The following KCNAB1 variants were observed in gnomAD, a reference collection of about 807,000 sequenced individuals.
KCNAB1 encodes the protein potassium voltage-gated channel subfamily A regulatory beta subunit 1.
A neutral mutation model predicts 64.6 loss-of-function variants in KCNAB1; 35 were observed. The ratio of observed to expected loss-of-function variants is 0.54; its 90% CI spans 0.41 to 0.72. The LOEUF (loss-of-function observed/expected upper bound fraction) is 0.72, where lower values mean the gene tolerates loss of function less well. Among genes scored for constraint, KCNAB1 ranks in the 30% least tolerant of loss-of-function variants. The pLI is 0.00. For missense variants in KCNAB1, 401 were observed against 512.9 expected (o/e 0.78, Z 2.11); for synonymous variants, 177 against 183.8 (o/e 0.96, Z 0.30).
chr3:156,443,933 T>A (rs1717210906), intron 2 of KCNAB1, among the ~76,000 whole-genome samples: 1 of 152,236 alleles, frequency 6.6e-6, no homozygotes, highest in African/African-American at 2.4e-5. Context: ...ATCCCACCCC[T>A]CAGCCCCCTT....
At position 156,157,515 on chromosome 3, in the gene KCNAB1, G is replaced by C. The variant is rs77336414; in HGVS notation, c.275+36629G>C. Among the ~76,000 whole-genome samples, 476 of 152,242 alleles carry C rather than the reference G, an allele frequency of 3.1e-3. 6 individuals are homozygous for C. In the East Asian group the frequency reaches 0.043, roughly 14 times the overall value. On this transcript the variant is annotated intron_variant, in intron 1 of 13. Transcript: ENST00000490337. ...AAAGACATTGTGCTCTTATTCTATG[G>C]TATATTTTATATTATAGTGCTCCCT...
At chr3:156,188,432 A>G (rs555401898) in intron 1 of KCNAB1, among the ~76,000 whole-genome samples, 3 of 152,186 alleles carry the variant, frequency 2.0e-5, no homozygotes, top group Non-Finnish European at 4.4e-5. Flanking sequence ...AAAAAAAGCC[A>G]TGGTAAATAT....
chr3:156,203,300 C>T (rs1388929892), intron 1 of KCNAB1, among the ~76,000 whole-genome samples: 1 of 152,184 alleles, frequency 6.6e-6, no homozygotes, highest in Non-Finnish European at 1.5e-5. Context: ...TAAAAGTTTG[C>T]TGATCTCTGA....
intron 6 of KCNAB1, among the ~76,000 whole-genome samples, chr3:156,465,296 AT>A (rs1177361109): frequency 2.0e-5 from 3 of 152,182 alleles, no homozygotes; most frequent in African/African-American, 7.2e-5. Flanking sequence ...TCACAAACCT[AT>A]GTCAAGCCTT....
intron 1 of KCNAB1, among the ~76,000 whole-genome samples, chr3:156,229,520 A>G (rs1011416574): frequency 6.6e-6 from 1 of 152,230 alleles, no homozygotes; most frequent in African/African-American, 2.4e-5. Context: ...TAAAAGATGG[A>G]ACACAATTAT....
intron 8 of KCNAB1, among the ~76,000 whole-genome samples, chr3:156,510,019 A>T (rs929622688): frequency 1.3e-5 from 2 of 152,244 alleles, no homozygotes; most frequent in African/African-American, 4.8e-5. Flanking sequence ...ATTCATGGCA[A>T]CATGAATCTC....
At chr3:156,496,820 C>T (rs1396403674) in intron 8 of KCNAB1, among the ~76,000 whole-genome samples, 1 of 151,928 alleles carries the variant, frequency 6.6e-6, no homozygotes, top group African/African-American at 2.4e-5. Flanking sequence ...CAAGGAAAGT[C>T]CCAAAGAAAG....
chr3:156,196,806 C>T (rs1713979289), intron 1 of KCNAB1, among the ~76,000 whole-genome samples: 1 of 152,164 alleles, frequency 6.6e-6, no homozygotes, highest in Non-Finnish European at 1.5e-5. Flanking sequence ...TTTCCCTTGC[C>T]TGATTGCCCT....
At chr3:156,351,382 T>C (rs983720307) in intron 1 of KCNAB1, among the ~76,000 whole-genome samples, 2 of 152,242 alleles carry the variant, frequency 1.3e-5, no homozygotes, top group Non-Finnish European at 1.5e-5. Flanking sequence ...CGTGCATGGA[T>C]GTAGGCTCTC....
chr3:156,521,668 A>G (rs1157916518), intron 11 of KCNAB1, among the ~76,000 whole-genome samples: 1 of 152,122 alleles, frequency 6.6e-6, no homozygotes, highest in Non-Finnish European at 1.5e-5. Flanking sequence ...AACCACACCC[A>G]CCTCCAACCT....
At position 156,284,921 on chromosome 3, in the gene KCNAB1, C is replaced by G. The variant is rs149163421; in HGVS notation, c.276-136695C>G. On this transcript the variant is annotated intron_variant, in intron 1 of 13. Transcript: ENST00000490337. ...CTCAGATGGAAATGCAGAAATCACC[C>G]GTCTTCGTCGCTCTTGCTGGGAGCT... Among the ~76,000 whole-genome samples the G allele has an allele frequency of 7.3e-3, 1,106 of 152,310 alleles. 15 individuals carry two copies. Among genetic ancestry groups the G allele is most frequent in the African/African-American group, 0.025 (1,055 of 41,566 alleles).
intron 8 of KCNAB1, among the ~76,000 whole-genome samples, chr3:156,475,282 A>G (rs925786365): frequency 1.1e-4 from 16 of 152,102 alleles, no homozygotes; most frequent in Admixed American, 3.3e-4. Flanking sequence ...ACTGCTTCAA[A>G]ATAAGATATC....
intron 1 of KCNAB1, among the ~76,000 whole-genome samples, chr3:156,271,970 C>G (rs1719064466): frequency 6.6e-6 from 1 of 152,210 alleles, no homozygotes; most frequent in Non-Finnish European, 1.5e-5. Flanking sequence ...GAAGTACTGC[C>G]TTGATGGTCT....
chr3:156,142,865 TA>T, intron 1 of KCNAB1: 1 of 457,910 alleles, frequency 2.2e-6, no homozygotes, highest in Non-Finnish European at 2.9e-6. Context: ...AAAGTTCCCA[TA>T]TTTTTTTTCC....
At chr3:156,292,072 T>C (rs112100796) in intron 1 of KCNAB1, 2 of 1,614,144 alleles carry the variant, frequency 1.2e-6, no homozygotes, top group Non-Finnish European at 1.7e-6. Flanking sequence ...CGTTCACGCC[T>C]CAGCATCACA....
chr3:156,159,830 G>A (rs557478162), intron 1 of KCNAB1, among the ~76,000 whole-genome samples: 1 of 152,156 alleles, frequency 6.6e-6, no homozygotes, highest in East Asian at 1.9e-4. Context: ...TTGCACAATA[G>A]AATTGTTCAA....
chr3:156,401,283 G>A lies in KCNAB1; in HGVS notation c.276-20333G>A, dbSNP rs1357856353. ...CATATATTGGGCCCTTTATACATACGTGTATGTGCAAACTTGCAAGTCCCG... is the reference window on the plus strand; with the variant it reads ...CATATATTGGGCCCTTTATACATACATGTATGTGCAAACTTGCAAGTCCCG... On this transcript the variant is annotated intron_variant, in intron 1 of 13. Coordinates refer to ENST00000490337, the MANE Select transcript of KCNAB1 (RefSeq NM_172160.3). 5.3e-5 allele frequency among the ~76,000 whole-genome samples: 8 copies of A among 152,142 alleles called. No homozygotes were observed. The East Asian group carries it at 9.6e-4, about 18-fold the overall frequency.
rs565849090 is a variant in KCNAB1 at position 156,403,979 on chromosome 3, A to C, written c.276-17637A>C. Reference sequence around the variant, plus strand: ...ATTAGAGCCTGACCTGGGTTAACCAAGGTGCATGGCCTCCAGTTAGATGGG... The same window carrying C: ...ATTAGAGCCTGACCTGGGTTAACCACGGTGCATGGCCTCCAGTTAGATGGG... On this transcript the variant is annotated intron_variant, in intron 1 of 13. Transcript: ENST00000490337. Among the ~76,000 whole-genome samples, 25 of 152,118 alleles carry C rather than the reference A, an allele frequency of 1.6e-4. 1 individual carries two copies. The South Asian group carries it at 5.2e-3, about 32-fold the overall frequency.
intron 1 of KCNAB1, among the ~76,000 whole-genome samples, chr3:156,166,136 C>T (rs904191667): frequency 3.3e-5 from 5 of 152,134 alleles, no homozygotes; most frequent in Non-Finnish European, 7.3e-5. Flanking sequence ...TAATATGCCA[C>T]GATACACAGC....
Sources: allele counts gnomAD v4.1 joint callset (sites outside exome capture counted in the v4.1 genomes callset), GRCh38; gene constraint gnomAD v4.1.1; transcripts MANE v1.5; gene names NCBI Gene and HGNC (gene_info 2026-07-23, HGNC 2026-07-21).